SDK1: variants seen among roughly 807,000 people sequenced by gnomAD.
SDK1 encodes the protein sidekick cell adhesion molecule 1, also known as protein sidekick-1.
In SDK1, 157 loss-of-function variants were observed where a neutral mutation model predicts 245.5. That is an observed-to-expected ratio of 0.64 (90% CI 0.56 to 0.73). The LOEUF is 0.73. Among genes scored for constraint, SDK1 ranks in the 30% least tolerant of loss-of-function variants. The probability of loss-of-function intolerance (pLI) is 0.00; values close to 1 mark genes in which losing one functional copy is unlikely to be tolerated. For synonymous variants in SDK1, 1,647 were observed against 1,278.5 expected, an observed-to-expected ratio of 1.29 and a Z score of -6.15; for missense variants, 3,583 against 3,002.3, an observed-to-expected ratio of 1.19 and a Z score of -4.52.
At chr7:3,343,137 T>C (rs183639788) in intron 1 of SDK1, among the ~76,000 whole-genome samples, 1 of 152,276 alleles carries the variant, frequency 6.6e-6, no homozygotes, top group African/African-American at 2.4e-5. Context: ...AACGTAGAAC[T>C]ATGATACAAC....
intron 35 of SDK1, among the ~76,000 whole-genome samples, chr7:4,184,487 GT>G (rs1267675859): frequency 6.6e-6 from 1 of 152,194 alleles, no homozygotes; most frequent in Non-Finnish European, 1.5e-5. Context: ...CTGGCCCGGG[GT>G]CAGCCCCCAG....
intron 17 of SDK1, among the ~76,000 whole-genome samples, chr7:4,028,844 G>C (rs149402804): frequency 6.6e-6 from 1 of 152,132 alleles, no homozygotes; most frequent in Non-Finnish European, 1.5e-5. Context: ...AGCCCATTCA[G>C]CGGAAAACCC....
chr7:3,657,687 A>G (rs1469128882), intron 4 of SDK1, among the ~76,000 whole-genome samples: 1 of 152,200 alleles, frequency 6.6e-6, no homozygotes, highest in African/African-American at 2.4e-5. Context: ...CAGGAGGGGG[A>G]CATTCCTGGA....
At chr7:3,668,731 C>T (rs1394695166) in intron 4 of SDK1, among the ~76,000 whole-genome samples, 2 of 152,208 alleles carry the variant, frequency 1.3e-5, no homozygotes, top group Non-Finnish European at 2.9e-5. Context: ...GCGGAGTTTG[C>T]AGTGAGCCAA....
chr7:3,853,002 A>G (rs1179053026), intron 5 of SDK1, among the ~76,000 whole-genome samples: 2 of 152,026 alleles, frequency 1.3e-5, no homozygotes, highest in Non-Finnish European at 2.9e-5. Context: ...AGCATTTGTC[A>G]TTTGGATGAT....
At chr7:3,871,494 G>A (rs28845270) in intron 5 of SDK1, among the ~76,000 whole-genome samples, 31,050 of 152,164 alleles carry the variant, frequency 0.2, 3,387 homozygotes, top group Middle Eastern at 0.28. Context: ...GAGGCTGGGT[G>A]ATTTATAAAG....
chr7:4,114,044 C>T lies in SDK1; in HGVS notation c.3593C>T (p.Pro1198Leu), dbSNP rs201152363. 3.5e-5 allele frequency: 56 copies of T among 1,613,960 alleles called. 1 individual carries two copies. In the East Asian group the frequency reaches 6.2e-4, roughly 18 times the overall value. ...CTCCTCGTTCCTTCCTAGCCCCTGC[C>T]GGATTCTCAGTACAACGGGAACCCC... is the stretch of plus-strand genomic sequence containing the variant. ...TSLRLRWVPL[P>L]DSQYNGNPES... The change falls in exon 25 of 45, where the codon CCG (proline) becomes CTG (leucine). Residue 1198 changes from proline to leucine, a missense_variant. Transcript: ENST00000404826.
At chr7:4,074,599 G>A (rs77451803) in intron 20 of SDK1, among the ~76,000 whole-genome samples, 10,293 of 152,020 alleles carry the variant, frequency 0.068, 1,010 homozygotes, top group African/African-American at 0.21. Flanking sequence ...GGTGGCTGAC[G>A]GCTGTAATCC....
intron 1 of SDK1, among the ~76,000 whole-genome samples, chr7:3,582,683 T>TAAAAAAAAAAAAAAAAAAAAAAAA (rs71029682): frequency 3.9e-4 from 27 of 69,672 alleles, no homozygotes; most frequent in South Asian, 7.2e-4. Context: ...TAAACTAAAG[T>TAAAAAAAAAAAAAAAAAAAAAAAA]AAAAAAAAAA....
In SDK1 at chr7:3,787,658, G is replaced by A. The variant is rs1272365510; in HGVS notation, c.714-33792G>A. Among the ~76,000 whole-genome samples, 6 of 151,866 alleles carry A rather than the reference G, an allele frequency of 4.0e-5. No homozygotes were observed. The East Asian group carries it at 9.7e-4, about 25-fold the overall frequency. On this transcript the variant is annotated intron_variant, in intron 4 of 44. Transcript: ENST00000404826. ...CCTTTTTGTTTTTTTCAGCTGGCCCGAGCCCTACCTGTCCTTTCCTTATAA... is the reference window on the plus strand; with the variant it reads ...CCTTTTTGTTTTTTTCAGCTGGCCCAAGCCCTACCTGTCCTTTCCTTATAA...
At chr7:3,433,588 G>A (rs1231376486) in intron 1 of SDK1, among the ~76,000 whole-genome samples, 1 of 152,032 alleles carries the variant, frequency 6.6e-6, no homozygotes, top group Non-Finnish European at 1.5e-5. Flanking sequence ...CTAGCACAAT[G>A]ACTAAGTGAA....
intron 1 of SDK1, among the ~76,000 whole-genome samples, chr7:3,515,138 G>A (rs1782702492): frequency 6.6e-6 from 1 of 152,126 alleles, no homozygotes; most frequent in Admixed American, 6.5e-5. Flanking sequence ...GACAAGACCT[G>A]GAGGTGCAGT....
intron 1 of SDK1, among the ~76,000 whole-genome samples, chr7:3,483,924 G>A (rs540050648): frequency 2.0e-5 from 3 of 152,022 alleles, no homozygotes; most frequent in African/African-American, 7.2e-5. Flanking sequence ...TTTATTTTTA[G>A]TTTTTAACTA....
At chr7:4,261,584 CAGAG>C (rs1449450461) in intron 44 of SDK1, among the ~76,000 whole-genome samples, 1 of 152,214 alleles carries the variant, frequency 6.6e-6, no homozygotes, top group Non-Finnish European at 1.5e-5. Context: ...TGGGAATCCT[CAGAG>C]AGCCTGTAAA....
chr7:3,876,205 G>T (rs956943479), intron 5 of SDK1, among the ~76,000 whole-genome samples: 1 of 152,154 alleles, frequency 6.6e-6, no homozygotes, highest in African/African-American at 2.4e-5. Flanking sequence ...AGTGAAGTAG[G>T]GTAGGGGCTG....
At chr7:3,665,884 T>C (rs981761020) in intron 4 of SDK1, among the ~76,000 whole-genome samples, 5 of 152,196 alleles carry the variant, frequency 3.3e-5, no homozygotes, top group African/African-American at 1.2e-4. Context: ...GTGATGAAGA[T>C]GTTTCCTCAG....
At chr7:3,324,107 GA>G (rs1779883883) in intron 1 of SDK1, among the ~76,000 whole-genome samples, 1 of 152,124 alleles carries the variant, frequency 6.6e-6, no homozygotes, top group South Asian at 2.1e-4. Context: ...ATTCTAGGGA[GA>G]TACTCATGTT....
At chr7:4,014,693 A>G (rs559553263) in intron 16 of SDK1, among the ~76,000 whole-genome samples, 4 of 152,302 alleles carry the variant, frequency 2.6e-5, no homozygotes, top group African/African-American at 7.2e-5. Context: ...TGAGAGGAGC[A>G]TAGGGGTTAT....
chr7:3,841,440 C>T (rs1244098555), intron 5 of SDK1, among the ~76,000 whole-genome samples: 1 of 152,136 alleles, frequency 6.6e-6, no homozygotes, highest in Non-Finnish European at 1.5e-5. Context: ...CACAGAACTG[C>T]GTATTATTTG....
Sources: allele counts gnomAD v4.1 joint callset (sites outside exome capture counted in the v4.1 genomes callset), GRCh38; gene constraint gnomAD v4.1.1; transcripts MANE v1.5; gene names NCBI Gene and HGNC (gene_info 2026-07-23, HGNC 2026-07-21).